ZNF112: variants seen among roughly 807,000 people sequenced by gnomAD.
ZNF112 encodes the protein zinc finger protein 112, also known as zinc finger protein 112 (Y14).
ZNF112 carries 37 observed loss-of-function variants against 77.7 expected under a neutral mutation model. The ratio of observed to expected loss-of-function variants is 0.48; its 90% CI spans 0.37 to 0.63. ZNF112 has a LOEUF of 0.63. ZNF112 is among the 20% of genes least tolerant of loss of function. ZNF112 has a pLI of 0.00. For synonymous variants in ZNF112, 333 were observed against 363.6 expected, an observed-to-expected ratio of 0.92 and a Z score of 0.96; for missense variants, 950 against 1,077.4, an observed-to-expected ratio of 0.88 and a Z score of 1.66.
At chr19:44,347,272 T>A (rs1002209835) in intron 1 of ZNF112, among the ~76,000 whole-genome samples, 1 of 152,134 alleles carries the variant, frequency 6.6e-6, no homozygotes. Flanking sequence ...TATGTCCTTG[T>A]ATTTAAATGG....
At chr19:44,350,270 T>C (rs557385375) in intron 1 of ZNF112, among the ~76,000 whole-genome samples, 1 of 152,182 alleles carries the variant, frequency 6.6e-6, no homozygotes, top group East Asian at 1.9e-4. Context: ...AACAGTGAAC[T>C]TCATTCAAAC....
At chr19:44,359,315 C>CTTTTTTTTTTTTTTTT (rs767955186), upstream of ZNF112, among the ~76,000 whole-genome samples, 2 of 54,834 alleles carry the variant, frequency 3.6e-5, no homozygotes, top group Non-Finnish European at 3.5e-5. Context: ...TATTAGAGTT[C>CTTTTTTTTTTTTTTTT]TTTTTTTTTT....
intron 1 of ZNF112, among the ~76,000 whole-genome samples, chr19:44,346,383 T>G (rs1970590282): frequency 6.6e-6 from 1 of 152,348 alleles, no homozygotes; most frequent in Admixed American, 6.5e-5. Context: ...TAATAAAATC[T>G]GATCAATGTT....
Position 44,329,948 on chromosome 19 carries a change from AAG to A in ZNF112, c.221-14_221-13del, listed in dbSNP as rs1339358550. 6.3e-7 allele frequency: 1 copy of A among 1,593,756 alleles called. No individual in the cohort carries two copies. Among genetic ancestry groups the A allele is most frequent in the African/African-American group, 1.3e-5 (1 of 74,174 alleles). On this transcript the variant is annotated splice_polypyrimidine_tract_variant and intron_variant, in intron 3 of 3. Transcript: ENST00000354340. ...TTGATTCTTCCTTCCTATAAGGATA[AAG>A]AGAATTCAGATGTGCACGAGTGAAT...
At chr19:44,362,204 AAGG>A (rs901671228) in intron 1 of ZNF112, among the ~76,000 whole-genome samples, 4 of 152,080 alleles carry the variant, frequency 2.6e-5, no homozygotes, top group Admixed American at 6.6e-5. Context: ...CTCATATTGG[AAGG>A]AGGAGAAGAA....
chr19:44,366,666 A>G (rs1421995499), intron 1 of ZNF112, among the ~76,000 whole-genome samples: 1 of 151,602 alleles, frequency 6.6e-6, no homozygotes, highest in Non-Finnish European at 1.5e-5. Flanking sequence ...CACTTTTTTA[A>G]AAAGGGAATC....
intron 3 of ZNF112, among the ~76,000 whole-genome samples, chr19:44,335,286 G>C (rs962942318): frequency 2.0e-5 from 3 of 152,224 alleles, no homozygotes; most frequent in African/African-American, 7.2e-5. Flanking sequence ...TTACCCAAAG[G>C]CTGTAGCCCC....
intron 1 of ZNF112, among the ~76,000 whole-genome samples, chr19:44,352,581 T>C (rs1438082177): frequency 6.6e-6 from 1 of 151,988 alleles, no homozygotes; most frequent in Admixed American, 6.6e-5. Context: ...ATACACAACA[T>C]GTGTCTCTGT....
chr19:44,337,396 A>T (rs368134553), intron 2 of ZNF112, among the ~76,000 whole-genome samples: 2,826 of 28,880 alleles, frequency 0.098, 328 homozygotes, highest in East Asian at 0.14. Context: ...TAATATATAT[A>T]ATATATATTT....
chr19:44,366,415 G>A (rs117128945), intron 1 of ZNF112, among the ~76,000 whole-genome samples: 1 of 151,778 alleles, frequency 6.6e-6, no homozygotes, highest in African/African-American at 2.4e-5. Flanking sequence ...CCACAGACGT[G>A]CTAGCAGAAT....
At chr19:44,333,185 T>C (rs1970301555) in intron 3 of ZNF112, among the ~76,000 whole-genome samples, 2 of 152,240 alleles carry the variant, frequency 1.3e-5, no homozygotes, top group Non-Finnish European at 2.9e-5. Context: ...AAAGGTGCTA[T>C]ATTTGTCATA....
Position 44,334,452 on chromosome 19 carries a change from C to T in ZNF112, c.220+2171G>A, listed in dbSNP as rs187097872. ...TTTTCTGGGGAGAAATTCAAGGCTG[C>T]AGAAATGTGCCTAAGTAAAGAGGAG... On this transcript the variant is annotated intron_variant, in intron 3 of 3. Transcript: ENST00000354340. 2.4e-3 allele frequency among the ~76,000 whole-genome samples: 361 copies of T among 152,332 alleles called. 2 individuals carry two copies. The highest frequency in any genetic ancestry group is 8.2e-3 in the African/African-American group (343 of 41,582).
At chr19:44,357,687 G>A (rs149110329), upstream of ZNF112, among the ~76,000 whole-genome samples, 65 of 152,180 alleles carry the variant, frequency 4.3e-4, no homozygotes, top group East Asian at 0.011. Context: ...CAAATAGAAG[G>A]GCTGTACTGA....
chr19:44,328,447 A>G lies in ZNF112; in HGVS notation c.1710T>C (p.Thr570=), dbSNP rs781713121. 1 of 1,613,882 alleles carries G rather than the reference A, an allele frequency of 6.2e-7. No individual in the cohort carries two copies. The highest frequency in any genetic ancestry group is 8.5e-7 in the Non-Finnish European group (1 of 1,179,936). ...CCTCACATTTATAAGGTTTTTCTCC[A>G]GTGTGGACTCTCTGATGGGCTTGAA... ...SYLQAHQRVH[T]GEKPYKCEEC... The change falls in exon 4 of 4, where the codon ACT becomes ACC. Residue 570 remains threonine (T), a synonymous_variant. Transcript: ENST00000354340.
At chr19:44,345,348 G>A (rs1199121224) in intron 1 of ZNF112, among the ~76,000 whole-genome samples, 1 of 152,198 alleles carries the variant, frequency 6.6e-6, no homozygotes, top group African/African-American at 2.4e-5. Context: ...TGGGAGCCAG[G>A]CCTCTTGATT....
chr19:44,328,341 C>G lies in ZNF112; in HGVS notation c.1816G>C (p.Glu606Gln). The G allele has an allele frequency of 6.2e-7, 1 of 1,613,844 alleles. No homozygotes were observed. Among genetic ancestry groups the G allele is most frequent in the Non-Finnish European group, 8.5e-7 (1 of 1,179,956 alleles). Reference sequence around the variant, plus strand: ...CGACTGAAGCCCTTCCCACACTCCTCACACTTGTATGGTTTTTCTCCAGTG... The same window carrying G: ...CGACTGAAGCCCTTCCCACACTCCTGACACTTGTATGGTTTTTCTCCAGTG... ...VHTGEKPYKCEECGKGFSRSS... is the reference protein window; with the variant it reads ...VHTGEKPYKCQECGKGFSRSS... The change falls in exon 4 of 4, where the codon GAG (glutamate) becomes CAG (glutamine). Residue 606 changes from glutamate to glutamine, a missense_variant. Physicochemically the swap from Glu to Gln is conservative, Grantham distance 29. This residue lies in a region of ZNF112 where 373 missense variants were observed against 482.8 expected (regional missense o/e 0.77). Transcript: ENST00000354340.
intron 1 of ZNF112, among the ~76,000 whole-genome samples, chr19:44,363,918 T>A (rs528856326): frequency 6.7e-6 from 1 of 149,140 alleles, no homozygotes; most frequent in South Asian, 2.2e-4. Flanking sequence ...GTTATTAGTA[T>A]TTTTTTTTGA....
chr19:44,358,754 A>G (rs1398978488), upstream of ZNF112, among the ~76,000 whole-genome samples: 1 of 152,188 alleles, frequency 6.6e-6, no homozygotes, highest in Non-Finnish European at 1.5e-5. Context: ...AAATACAACT[A>G]AATGATTCAT....
At chr19:44,350,585 G>C (rs1490810140) in intron 1 of ZNF112, among the ~76,000 whole-genome samples, 5 of 152,072 alleles carry the variant, frequency 3.3e-5, no homozygotes, top group African/African-American at 1.2e-4. Flanking sequence ...GTGTAGGAAA[G>C]TTATTTCAAA....
Sources: gnomAD v4.1 joint callset for allele counts (sites outside exome capture counted in the v4.1 genomes callset) on GRCh38, gnomAD v4.1.1 for gene constraint, gnomAD v4.1.1 regional missense constraint, MANE v1.5 for transcripts, NCBI Gene and HGNC (gene_info 2026-07-23, HGNC 2026-07-21) for gene names.